Variants in RAI2 observed in about 807,000 individuals in gnomAD.
RAI2 encodes the protein retinoic acid induced 2.
Under a neutral mutation model 15.3 loss-of-function variants are expected in RAI2, and 5 were observed. The ratio of observed to expected loss-of-function variants is 0.33; its 90% CI spans 0.17 to 0.69. The LOEUF is 0.69. RAI2 is among the 30% of genes least tolerant of loss of function. RAI2 has a pLI of 0.69. For missense variants in RAI2, 424 were observed against 424.7 expected (o/e 1.00, Z 0.01); for synonymous variants, 191 against 184.0 (o/e 1.04, Z -0.31).
At chrX:17,803,462 C>T (rs967106358) in intron 1 of RAI2, among the ~76,000 whole-genome samples, 6 of 109,759 alleles carry the variant, frequency 5.5e-5, no homozygotes, top group Non-Finnish European at 1.9e-5. Flanking sequence ...ACTCAGGAGG[C>T]GGAGGTTGCA....
intron 1 of RAI2, among the ~76,000 whole-genome samples, chrX:17,803,725 A>T (rs1449014727): frequency 5.4e-5 from 6 of 110,636 alleles, no homozygotes; most frequent in Non-Finnish European, 1.1e-4. Flanking sequence ...GTGGAGAATG[A>T]CTGGTGGGCC....
intron 1 of RAI2, among the ~76,000 whole-genome samples, chrX:17,812,440 A>G (rs774744666): frequency 1.2e-4 from 13 of 112,145 alleles, no homozygotes; most frequent in African/African-American, 4.2e-4. Flanking sequence ...ACAGAAAACA[A>G]TGCTCTCCCA....
chrX:17,828,837 C>T (rs1384297370), intron 1 of RAI2, among the ~76,000 whole-genome samples: 1 of 111,477 alleles, frequency 9.0e-6, no homozygotes, highest in Non-Finnish European at 1.9e-5. Flanking sequence ...TATCACTCCG[C>T]TTTTCCCATG....
chrX:17,800,384 T>A lies in RAI2; in HGVS notation c.*34A>T. On this transcript the variant is annotated 3_prime_UTR_variant, in exon 2 of 2. Coordinates refer to ENST00000451717, the MANE Select transcript of RAI2 (RefSeq NM_021785.6). Reference sequence around the variant, plus strand: ...TATAAAACCAATGCACCTTTCCCCATATTATAATCATACAAATTTTAAAAA... The same window carrying A: ...TATAAAACCAATGCACCTTTCCCCAAATTATAATCATACAAATTTTAAAAA... 1 of 1,146,767 alleles carries A rather than the reference T, an allele frequency of 8.7e-7. No homozygotes were observed. Among genetic ancestry groups the A allele is most frequent in the Non-Finnish European group, 1.2e-6 (1 of 860,440 alleles). 94.5% of individuals were successfully genotyped at this position (1,146,767 alleles called of 1,213,427 possible).
chrX:17,831,375 C>T (rs994505387), intron 1 of RAI2, among the ~76,000 whole-genome samples: 3 of 111,055 alleles, frequency 2.7e-5, no homozygotes, highest in African/African-American at 9.8e-5. Context: ...TTTAAAAAAA[C>T]AAAAAACAAA....
chrX:17,834,005 C>G, intron 1 of RAI2, among the ~76,000 whole-genome samples: 1 of 111,170 alleles, frequency 9.0e-6, no homozygotes, highest in East Asian at 2.8e-4. Context: ...GCTGTCAATC[C>G]CAATGAAATT....
At chrX:17,807,552 TGAGTAAG>T (rs2066995338) in intron 1 of RAI2, among the ~76,000 whole-genome samples, 1 of 111,652 alleles carries the variant, frequency 9.0e-6, no homozygotes, top group African/African-American at 3.3e-5. Flanking sequence ...TTTTTATTGA[TGAGTAAG>T]CTGCAACTCA....
intron 1 of RAI2, among the ~76,000 whole-genome samples, chrX:17,841,664 G>A (rs1938043456): frequency 8.9e-6 from 1 of 111,870 alleles, no homozygotes; most frequent in Non-Finnish European, 1.9e-5. Context: ...CCTCAATTAT[G>A]AGCACTGTGG....
In RAI2 at chrX:17,854,492, C is replaced by G. The variant is rs569058151; in HGVS notation, c.-25+6606G>C. ...CAGGAAAAACCTATGTTCATACAGTCAGCCTGGAGCTTCCAGGCTTAAAGC... is the reference window on the plus strand; with the variant it reads ...CAGGAAAAACCTATGTTCATACAGTGAGCCTGGAGCTTCCAGGCTTAAAGC... On this transcript the variant is annotated intron_variant, in intron 1 of 1. Transcript: ENST00000451717. Among the ~76,000 whole-genome samples, 4 of 112,335 alleles carry G rather than the reference C, an allele frequency of 3.6e-5. No homozygotes were observed. The South Asian group carries it at 1.5e-3, about 41-fold the overall frequency.
chrX:17,842,906 G>A (rs947173531), intron 1 of RAI2, among the ~76,000 whole-genome samples: 2 of 111,798 alleles, frequency 1.8e-5, no homozygotes, highest in Admixed American at 9.5e-5. Context: ...CTCCTGGCAC[G>A]TAGGCGGTGA....
intron 1 of RAI2, among the ~76,000 whole-genome samples, chrX:17,829,135 CA>C (rs1213246322): frequency 2.7e-5 from 3 of 110,302 alleles, no homozygotes; most frequent in African/African-American, 9.9e-5. Flanking sequence ...ACCTGAGGAG[CA>C]CTGGATGTGA....
chrX:17,823,348 G>C (rs1450700153), intron 1 of RAI2, among the ~76,000 whole-genome samples: 1 of 112,137 alleles, frequency 8.9e-6, no homozygotes, highest in Non-Finnish European at 1.9e-5. Context: ...AAATAAATAA[G>C]GCGAGGATTA....
chrX:17,801,822 G>A lies in RAI2; in HGVS notation c.189C>T (p.Ala63=), dbSNP rs772405401. Reference sequence around the variant, plus strand: ...TCAGAGCCATGCCACTCTGAGACTCGGCAGGGGGGTTCAGAATGGATGGGG... The same window carrying A: ...TCAGAGCCATGCCACTCTGAGACTCAGCAGGGGGGTTCAGAATGGATGGGG... ...VPAPSILNPP[A]ESQSGMALKV... The change falls in exon 2 of 2, where the codon GCC becomes GCT. Residue 63 remains alanine, a synonymous_variant. Coordinates refer to ENST00000451717, the MANE Select transcript of RAI2 (RefSeq NM_021785.6). The A allele has an allele frequency of 2.6e-5, 32 of 1,209,446 alleles. No individual in the cohort carries two copies. Among genetic ancestry groups the A allele is most frequent in the South Asian group, 1.8e-4 (10 of 56,700 alleles).
intron 1 of RAI2, among the ~76,000 whole-genome samples, chrX:17,856,544 A>G (rs1474614697): frequency 1.8e-5 from 2 of 112,355 alleles, no homozygotes; most frequent in Non-Finnish European, 3.8e-5. Flanking sequence ...GAACGGTGAG[A>G]AATATGTTTC....
At position 17,800,251 on chromosome X, in the gene RAI2, A is replaced by G. The variant is rs1001109108; in HGVS notation, c.*167T>C. On this transcript the variant is annotated 3_prime_UTR_variant, in exon 2 of 2. Coordinates refer to ENST00000451717, the MANE Select transcript of RAI2 (RefSeq NM_021785.6). ...TCATTTGTGAAAAGTCAAAAATTAA[A>G]AAAGAAAATGATACTAGCATACAGG... The G allele has an allele frequency of 6.2e-6, 4 of 646,368 alleles. No homozygotes were observed. In the African/African-American group the frequency reaches 9.2e-5, roughly 15 times the overall value. The allele number at this position is 646,368 out of a possible 1,213,427, so 53.3% of individuals were successfully genotyped here. A position where few individuals can be genotyped will look rare whatever the true frequency, so the allele number is the denominator to read the frequency against.
Position 17,801,012 on chromosome X carries a change from A to T in RAI2, c.999T>A (p.Ser333Arg). The T allele has an allele frequency of 1.7e-6, 2 of 1,210,979 alleles. No homozygotes were observed. Among genetic ancestry groups the T allele is most frequent in the Non-Finnish European group, 2.2e-6 (2 of 895,307 alleles). Residue 333 changes from serine (S) to arginine (R), a missense_variant, in exon 2 of 2, where the codon AGT becomes AGA. Physicochemically the swap from Ser to Arg is moderately radical, Grantham distance 110. Transcript: ENST00000451717. Reference protein sequence around the residue: ...SVPWLKAGEVSPPIFQEDAAL... With the variant: ...SVPWLKAGEVRPPIFQEDAAL... Reference sequence around the variant, plus strand: ...CTGCATCTTCCTGGAAGATTGGGGGACTGACTTCACCAGCCTTGAGCCAGG... The same window carrying T: ...CTGCATCTTCCTGGAAGATTGGGGGTCTGACTTCACCAGCCTTGAGCCAGG...
At chrX:17,816,639 C>T (rs974639198) in intron 1 of RAI2, among the ~76,000 whole-genome samples, 9 of 112,058 alleles carry the variant, frequency 8.0e-5, no homozygotes, top group Admixed American at 7.6e-4. Context: ...GAAATAGGTG[C>T]TCCCTTTTCT....
At position 17,801,509 on chromosome X, in the gene RAI2, G is replaced by A; in HGVS notation, c.502C>T (p.Leu168Phe). ...GAEDPEAQPQLLDLRIPSQPQ... is the reference protein window; with the variant it reads ...GAEDPEAQPQFLDLRIPSQPQ... The stretch of plus-strand genomic sequence containing the variant: ...TGGCTGGGGATCCTCAGGTCCAGGA[G>A]CTGGGGCTGGGCCTCGGGGTCCTCC... Residue 168 changes from leucine (L) to phenylalanine (F), a missense_variant, in exon 2 of 2, where the codon CTC becomes TTC. Transcript: ENST00000451717. 2 of 1,195,379 alleles carry A rather than the reference G, an allele frequency of 1.7e-6. No individual in the cohort carries two copies. The highest frequency in any genetic ancestry group is 3.0e-5 in the East Asian group (1 of 33,677).
At chrX:17,815,052 GT>G (rs1409776613) in intron 1 of RAI2, among the ~76,000 whole-genome samples, 4 of 110,597 alleles carry the variant, frequency 3.6e-5, no homozygotes, top group Non-Finnish European at 7.6e-5. Flanking sequence ...CTGGAATTCT[GT>G]TTTGTCAAAA....
Sources: allele counts gnomAD v4.1 joint callset (sites outside exome capture counted in the v4.1 genomes callset), GRCh38; gene constraint gnomAD v4.1.1; transcripts MANE v1.5; gene names NCBI Gene and HGNC (gene_info 2026-07-23, HGNC 2026-07-21).